The following MTRR variants were observed in gnomAD, a reference collection of about 807,000 sequenced individuals.
MTRR encodes methionine synthase reductase.
MTRR carries 63 observed loss-of-function variants against 79.2 expected under a neutral mutation model. That is an observed-to-expected ratio of 0.80 (90% CI 0.65 to 0.98). The LOEUF (loss-of-function observed/expected upper bound fraction) is 0.98. Among genes scored for constraint, MTRR ranks in the 50% least tolerant of loss-of-function variants. MTRR has a pLI of 0.00. For missense variants in MTRR, 895 were observed against 839.6 expected, an observed-to-expected ratio of 1.07 and a Z score of -0.82; for synonymous variants, 355 against 313.3, an observed-to-expected ratio of 1.13 and a Z score of -1.41.
chr5:7,882,351 G>A (rs1409839184), intron 5 of MTRR, among the ~76,000 whole-genome samples: 1 of 152,198 alleles, frequency 6.6e-6, no homozygotes, highest in African/African-American at 2.4e-5. Flanking sequence ...TTTCTTTCAG[G>A]TGGCAGAGGT....
chr5:7,900,174 A>G lies in MTRR; in HGVS notation c.*116A>G, dbSNP rs2126830580. 1 of 1,216,486 alleles carries G rather than the reference A, an allele frequency of 8.2e-7. No individual in the cohort carries two copies. The highest frequency in any genetic ancestry group is 2.5e-5 in the East Asian group (1 of 40,698). The allele number at this position is 1,216,486 out of a possible 1,614,324, so 75.4% of individuals were successfully genotyped here. A position where few individuals can be genotyped will look rare whatever the true frequency, so the allele number is the denominator to read the frequency against. ...GAAAATTTTCTTTCAACATTTCTTG[A>G]AGGACATGGAGTGGAGATTGGATCA... On this transcript the variant is annotated 3_prime_UTR_variant, in exon 15 of 15. Coordinates refer to ENST00000440940, the MANE Select transcript of MTRR (RefSeq NM_002454.3).
At chr5:7,889,432 C>A (rs1036836672) in intron 9 of MTRR, among the ~76,000 whole-genome samples, 157 bp downstream of exon 9, 2 of 152,156 alleles carry the variant, frequency 1.3e-5, no homozygotes, top group Non-Finnish European at 1.5e-5. Context: ...GGTAAGTAAA[C>A]ATCTTATATC....
chr5:7,866,981 G>A (rs1207763504), upstream of MTRR: 1 of 1,614,076 alleles, frequency 6.2e-7, no homozygotes, highest in Non-Finnish European at 8.5e-7. Flanking sequence ...GACAACTTCA[G>A]GATCCAACGT....
chr5:7,895,665 GATC>G, intron 11 of MTRR, 66 bp from the exon 12 acceptor site: 1 of 1,584,198 alleles, frequency 6.3e-7, no homozygotes, highest in Non-Finnish European at 8.7e-7. Flanking sequence ...GTTTAGCAAA[GATC>G]ATCTTGATTA....
At chr5:7,893,044 ATC>A (rs1396374586) in intron 11 of MTRR, 131 bp downstream of exon 11, 1 of 1,099,422 alleles carries the variant, frequency 9.1e-7, no homozygotes, top group Non-Finnish European at 1.3e-6. Context: ...GAATTTTAAA[ATC>A]TCTATTGCAA....
chr5:7,856,568 G>A (rs564994096), intron 1 of MTRR, among the ~76,000 whole-genome samples: 1 of 152,134 alleles, frequency 6.6e-6, no homozygotes, highest in South Asian at 2.1e-4. Context: ...TCCAGGAATT[G>A]GGCTAAACAG....
At chr5:7,875,397 T>G (rs200975562) in intron 4 of MTRR, 22 bp downstream of exon 4, 12 of 1,538,396 alleles carry the variant, frequency 7.8e-6, no homozygotes, top group Non-Finnish European at 1.1e-5. Context: ...GTTCTCTGTT[T>G]ACTCCAATAA....
chr5:7,892,955 C>T (rs1424191987), intron 11 of MTRR, 42 bp downstream of exon 11: 1 of 1,573,206 alleles, frequency 6.4e-7, no homozygotes, highest in Non-Finnish European at 8.7e-7. Context: ...TTAACTCATA[C>T]TCTTTGTTTC....
chr5:7,851,247 C>T (rs938024619), exon 1 of MTRR: 26 of 424,080 alleles, frequency 6.1e-5, no homozygotes, highest in African/African-American at 4.7e-4. Flanking sequence ...TCGACTACAC[C>T]TGGGGTCTCT....
upstream of MTRR, chr5:7,851,013 G>T: frequency 7.9e-7 from 1 of 1,261,216 alleles, no homozygotes; most frequent in Non-Finnish European, 1.0e-6. Context: ...CCTCCTCGTC[G>T]TCCTCCATGC....
chr5:7,885,908 TG>T, intron 7 of MTRR, 54 bp downstream of exon 7: 3 of 1,610,484 alleles, frequency 1.9e-6, no homozygotes, highest in Middle Eastern at 1.7e-4. Flanking sequence ...GGACTGGAGC[TG>T]ATGGTGAGAG....
At chr5:7,876,349 G>T (rs556329167) in intron 4 of MTRR, among the ~76,000 whole-genome samples, 1 of 152,258 alleles carries the variant, frequency 6.6e-6, no homozygotes, top group South Asian at 2.1e-4. Flanking sequence ...TTTGCCAGAA[G>T]CTCATTGACA....
Position 7,886,674 on chromosome 5 carries a change from T to C in MTRR, c.1117T>C (p.Cys373Arg), listed in dbSNP as rs751034628. 6.2e-7 allele frequency: 1 copy of C among 1,613,898 alleles called. No homozygotes were observed. The highest frequency in any genetic ancestry group is 8.5e-7 in the Non-Finnish European group (1 of 1,179,772). The stretch of plus-strand genomic sequence containing the variant: ...TTCTCTCCAGTTCATTTTTACCTGG[T>C]GTCTTGAAATCCGAGCAATTCCTAA... Reference protein sequence around the residue: ...GCSLQFIFTWCLEIRAIPKKA... With the variant: ...GCSLQFIFTWRLEIRAIPKKA... The change falls in exon 8 of 15, where the codon TGT (cysteine) becomes CGT (arginine). Residue 373 changes from cysteine to arginine, a missense_variant. Transcript: ENST00000440940.
Position 7,892,852 on chromosome 5 carries a change from C to G in MTRR, c.1496C>G (p.Ser499Ter). The change falls in exon 11 of 15, where the codon TCA (serine) becomes TGA (stop). Residue 499 changes from serine (S) to a stop codon, truncating the protein, a stop_gained. Transcript: ENST00000440940. LOFTEE classifies it high-confidence loss of function. ...GGCTGGCTGGCCTTGTTGGTTGCTT[C>G]AGTTCTTCAGCCAAACATACATGCA... ...CTGWLALLVA[S>*]VLQPNIHASH... is the part of the protein sequence containing the mutation. 11 of 1,614,180 alleles carry G rather than the reference C, an allele frequency of 6.8e-6. No individual in the cohort carries two copies. Among genetic ancestry groups the G allele is most frequent in the Non-Finnish European group, 9.3e-6 (11 of 1,180,020 alleles).
At chr5:7,867,947 C>G, upstream of MTRR, 1 of 1,614,118 alleles carries the variant, frequency 6.2e-7, no homozygotes, top group Middle Eastern at 1.6e-4. Context: ...TTGTCGTGAA[C>G]ACAACCAAGG....
At chr5:7,891,289 A>ATT (rs71591748) in intron 9 of MTRR, 83 bp from the exon 10 acceptor site, 6,084 of 363,398 alleles carry the variant, frequency 0.017, 20 homozygotes, top group South Asian at 0.019. Context: ...AAGACATGGA[A>ATT]TTTTTTTTTT....
chr5:7,869,472 T>A (rs976256729), intron 1 of MTRR: 2 of 532,926 alleles, frequency 3.8e-6, no homozygotes, highest in Admixed American at 3.3e-5. Context: ...CGGCGTGGGG[T>A]CTCTCCTCAT....
intron 11 of MTRR, chr5:7,893,197 A>G (rs1234427905): frequency 1.9e-5 from 8 of 426,122 alleles, no homozygotes; most frequent in Non-Finnish European, 2.6e-5. Flanking sequence ...TATTCTTGGT[A>G]CATTGGCCTG....
In MTRR at chr5:7,890,249, C is replaced by T. The variant is rs563362952; in HGVS notation, c.1327+974C>T. 7.3e-5 allele frequency: 72 copies of T among 985,250 alleles called. No homozygotes were observed. The African/African-American group carries it at 1.2e-3, about 16-fold the overall frequency. The allele number at this position is 985,250 out of a possible 1,614,324, so 61.0% of individuals were successfully genotyped here. ...TGCAAGTCAGGGCCTGATTTCTCCT[C>T]CTTTTTCTTAGTGTTTTTTCCACTT... On this transcript the variant is annotated intron_variant, in intron 9 of 14. Transcript: ENST00000440940.
Sources: gnomAD v4.1 joint callset for allele counts (sites outside exome capture counted in the v4.1 genomes callset) on GRCh38, gnomAD v4.1.1 for gene constraint, MANE v1.5 for transcripts, NCBI Gene and HGNC (gene_info 2026-07-23, HGNC 2026-07-21) for gene names.